The following SAMD5 variants were observed in gnomAD, a reference collection of about 807,000 sequenced individuals.
SAMD5 encodes sterile alpha motif domain-containing protein 5.
Under a neutral mutation model 11.3 loss-of-function variants are expected in SAMD5, and 13 were observed. The ratio of observed to expected loss-of-function variants is 1.15; its 90% CI spans 0.75 to 1.83. The LOEUF is 1.83. Ranked by LOEUF, SAMD5 falls within the 40% of genes most tolerant of loss-of-function variation. The pLI, the probability that SAMD5 is intolerant of heterozygous loss-of-function variation, is 0.00. For synonymous variants in SAMD5, 129 were observed against 111.3 expected (o/e 1.16, Z -1.00); for missense variants, 255 against 239.1 (o/e 1.07, Z -0.44).
intron 1 of SAMD5, among the ~76,000 whole-genome samples, chr6:147,669,532 A>G (rs1254902618): frequency 6.7e-6 from 1 of 149,324 alleles, no homozygotes; most frequent in Non-Finnish European, 1.5e-5. Flanking sequence ...GGTTAAAGCG[A>G]CACTCCTGCC....
At chr6:147,594,550 C>T (rs563252596) in intron 1 of SAMD5, among the ~76,000 whole-genome samples, 489 of 152,178 alleles carry the variant, frequency 3.2e-3, no homozygotes, top group African/African-American at 0.011. Context: ...TTGCTGTTTC[C>T]ACTTTAAAGT....
chr6:147,765,278 A>C, the SAMD5 span, among the ~76,000 whole-genome samples: 1 of 152,196 alleles, frequency 6.6e-6, no homozygotes, highest in South Asian at 2.1e-4. Context: ...CCATTTTCTC[A>C]AAGTTCGATG....
the SAMD5 span, among the ~76,000 whole-genome samples, chr6:147,800,764 T>G: frequency 6.6e-6 from 1 of 152,210 alleles, no homozygotes; most frequent in Non-Finnish European, 1.5e-5. Context: ...ATAGTTTTCA[T>G]GATGAATCAA....
the SAMD5 span, among the ~76,000 whole-genome samples, chr6:147,868,507 C>T: frequency 6.6e-6 from 1 of 151,356 alleles, no homozygotes. Flanking sequence ...CTTTTAAATG[C>T]ATTAAATTGG....
intron 1 of SAMD5, among the ~76,000 whole-genome samples, chr6:147,530,434 A>G (rs543903933): frequency 2.6e-5 from 4 of 152,378 alleles, no homozygotes; most frequent in African/African-American, 9.6e-5. Flanking sequence ...GTGATAGGGC[A>G]TGTCAATTCT....
chr6:147,746,390 A>C, the SAMD5 span, among the ~76,000 whole-genome samples: 1 of 151,838 alleles, frequency 6.6e-6, no homozygotes, highest in African/African-American at 2.4e-5. Context: ...CTTCCTTGCT[A>C]CTCTGTTGTG....
chr6:147,849,541 G>A, the SAMD5 span, among the ~76,000 whole-genome samples: 1 of 151,924 alleles, frequency 6.6e-6, no homozygotes, highest in Admixed American at 6.6e-5. Flanking sequence ...GCATTATGTT[G>A]GTACTAAAGT....
intron 1 of SAMD5, among the ~76,000 whole-genome samples, chr6:147,557,219 A>G (rs1005458387): frequency 6.6e-6 from 1 of 152,242 alleles, no homozygotes; most frequent in African/African-American, 2.4e-5. Context: ...TATATTCTGA[A>G]TAAAAATAAA....
At chr6:147,930,273 G>A in the SAMD5 span, among the ~76,000 whole-genome samples, 1 of 151,994 alleles carries the variant, frequency 6.6e-6, no homozygotes, top group South Asian at 2.1e-4. Flanking sequence ...CACTTAACTA[G>A]TCTCTAAGAA....
At chr6:147,526,197 T>C (rs1788336535) in intron 1 of SAMD5, among the ~76,000 whole-genome samples, 1 of 152,228 alleles carries the variant, frequency 6.6e-6, no homozygotes, top group Admixed American at 6.5e-5. Context: ...TGGAGTTTTA[T>C]AGGCTTAGGT....
downstream of SAMD5, among the ~76,000 whole-genome samples, chr6:147,574,150 A>G (rs1265938495): frequency 6.6e-6 from 1 of 151,794 alleles, no homozygotes; most frequent in East Asian, 1.9e-4. Context: ...CAAAAAACTT[A>G]CATTCATTAC....
At chr6:147,825,766 A>G in the SAMD5 span, among the ~76,000 whole-genome samples, 1 of 152,234 alleles carries the variant, frequency 6.6e-6, no homozygotes, top group Admixed American at 6.5e-5. Flanking sequence ...TGTGAATTTA[A>G]TGAAAGAAAG....
the SAMD5 span, among the ~76,000 whole-genome samples, chr6:147,824,557 T>G: frequency 1.3e-5 from 2 of 152,164 alleles, no homozygotes. Flanking sequence ...AATGTTTGAT[T>G]GCGGATCATT....
intron 1 of SAMD5, among the ~76,000 whole-genome samples, chr6:147,534,263 GATGAGT>G (rs1788474339): frequency 6.6e-6 from 1 of 152,206 alleles, no homozygotes; most frequent in African/African-American, 2.4e-5. Context: ...GTAGAGACAT[GATGAGT>G]CACGGGCGAA....
intron 1 of SAMD5, among the ~76,000 whole-genome samples, chr6:147,525,452 A>T (rs1788322476): frequency 6.6e-6 from 1 of 151,438 alleles, no homozygotes; most frequent in Non-Finnish European, 1.5e-5. Flanking sequence ...GAGAAATAAG[A>T]ATAGATTGGA....
intron 1 of SAMD5, among the ~76,000 whole-genome samples, chr6:147,559,807 G>C (rs1284600248): frequency 1.3e-5 from 2 of 152,112 alleles, no homozygotes; most frequent in African/African-American, 2.4e-5. Context: ...TCTTTAAATA[G>C]AAAAAGAGCA....
chr6:147,707,003 T>G (rs74495341), intron 1 of SAMD5, among the ~76,000 whole-genome samples: 91 of 152,344 alleles, frequency 6.0e-4, no homozygotes, highest in African/African-American at 2.1e-3. Flanking sequence ...AAATACAGAC[T>G]AACACTTGGT....
chr6:147,699,741 C>T (rs1034752793), intron 1 of SAMD5, among the ~76,000 whole-genome samples: 3 of 152,096 alleles, frequency 2.0e-5, no homozygotes, highest in African/African-American at 7.2e-5. Flanking sequence ...TAGTTATTAA[C>T]CAGCGAGTTG....
chr6:147,859,248 G>C, the SAMD5 span, among the ~76,000 whole-genome samples: 1 of 152,220 alleles, frequency 6.6e-6, no homozygotes, highest in South Asian at 2.1e-4. Context: ...TTACTATATA[G>C]CCTGTCAACA....
Sources: allele counts gnomAD v4.1 joint callset (sites outside exome capture counted in the v4.1 genomes callset), GRCh38; gene constraint gnomAD v4.1.1; transcripts MANE v1.5; gene names NCBI Gene and HGNC (gene_info 2026-07-23, HGNC 2026-07-21).